LHFPL6: variants seen among roughly 807,000 people sequenced by gnomAD.
The protein encoded by LHFPL6 is LHFPL tetraspan subfamily member 6, also known as LHFPL tetraspan subfamily member 6 protein.
A neutral mutation model predicts 20.6 loss-of-function variants in LHFPL6; 9 were observed. That is an observed-to-expected ratio of 0.44 (90% CI 0.26 to 0.76). The LOEUF (loss-of-function observed/expected upper bound fraction) is 0.76, where lower values mean the gene tolerates loss of function less well. LHFPL6 is among the 30% of genes least tolerant of loss of function. LHFPL6 has a pLI of 0.20. For missense variants in LHFPL6, 218 were observed against 253.5 expected, an observed-to-expected ratio of 0.86 and a Z score of 0.95; for synonymous variants, 105 against 98.7, an observed-to-expected ratio of 1.06 and a Z score of -0.38.
intron 3 of LHFPL6, among the ~76,000 whole-genome samples, chr13:39,373,991 A>G (rs6563700): frequency 0.42 from 63,194 of 151,926 alleles, 13,283 homozygotes; most frequent in East Asian, 0.55. Context: ...CTTAATAAAG[A>G]ACTACCATTC....
At chr13:39,585,475 T>C (rs981948066) in intron 2 of LHFPL6, among the ~76,000 whole-genome samples, 7 of 152,226 alleles carry the variant, frequency 4.6e-5, no homozygotes, top group African/African-American at 1.7e-4. Flanking sequence ...GCTAGTTTAT[T>C]TGCTTTACTC....
At chr13:39,501,946 A>G (rs1366260976) in intron 2 of LHFPL6, among the ~76,000 whole-genome samples, 1 of 152,250 alleles carries the variant, frequency 6.6e-6, no homozygotes, top group East Asian at 1.9e-4. Context: ...ACCAGGCCAC[A>G]TGACTCTCGC....
intron 2 of LHFPL6, among the ~76,000 whole-genome samples, chr13:39,526,252 T>C (rs1870283513): frequency 6.6e-6 from 1 of 152,186 alleles, no homozygotes; most frequent in Non-Finnish European, 1.5e-5. Flanking sequence ...TAAATTCTAG[T>C]TGATCTGAAA....
At chr13:39,394,977 A>G (rs1870806980) in intron 2 of LHFPL6, among the ~76,000 whole-genome samples, 1 of 152,146 alleles carries the variant, frequency 6.6e-6, no homozygotes, top group Non-Finnish European at 1.5e-5. Flanking sequence ...ACCCAGCGCT[A>G]CCCTAAGCGT....
chr13:39,574,856 G>A (rs1244635606), intron 2 of LHFPL6, among the ~76,000 whole-genome samples: 1 of 152,112 alleles, frequency 6.6e-6, no homozygotes, highest in Admixed American at 6.5e-5. Flanking sequence ...TGGATTACCC[G>A]AGGTCAGGAG....
intron 2 of LHFPL6, among the ~76,000 whole-genome samples, chr13:39,401,482 G>A (rs1384200549): frequency 6.6e-6 from 1 of 152,162 alleles, no homozygotes; most frequent in African/African-American, 2.4e-5. Context: ...TGGAGAGGGA[G>A]GCATCCTCCA....
At chr13:39,502,894 CTTAT>C (rs976949258) in intron 2 of LHFPL6, among the ~76,000 whole-genome samples, 1 of 151,920 alleles carries the variant, frequency 6.6e-6, no homozygotes, top group Non-Finnish European at 1.5e-5. Flanking sequence ...ATTGTTGTAT[CTTAT>C]TTATTTATTT....
intron 2 of LHFPL6, among the ~76,000 whole-genome samples, chr13:39,588,004 G>A (rs967877743): frequency 1.3e-5 from 2 of 152,080 alleles, no homozygotes; most frequent in African/African-American, 4.8e-5. Flanking sequence ...CCCACTGGCT[G>A]GATATCCAGA....
intron 2 of LHFPL6, among the ~76,000 whole-genome samples, chr13:39,500,395 A>C (rs1027434232): frequency 1.3e-5 from 2 of 151,980 alleles, no homozygotes; most frequent in Non-Finnish European, 2.9e-5. Context: ...CTGGGACTAT[A>C]GGTGCATGCC....
intron 2 of LHFPL6, among the ~76,000 whole-genome samples, chr13:39,480,219 T>C (rs1468375078): frequency 6.6e-6 from 1 of 152,184 alleles, no homozygotes; most frequent in African/African-American, 2.4e-5. Flanking sequence ...AACCTAGACC[T>C]GGACTATGAG....
intron 3 of LHFPL6, among the ~76,000 whole-genome samples, chr13:39,372,126 G>A (rs1279579941): frequency 6.6e-6 from 1 of 150,606 alleles, no homozygotes; most frequent in Non-Finnish European, 1.5e-5. Context: ...GCTATAATAA[G>A]AGATCTCACA....
At chr13:39,391,577 A>G (rs923789367) in intron 2 of LHFPL6, among the ~76,000 whole-genome samples, 2 of 152,212 alleles carry the variant, frequency 1.3e-5, no homozygotes, top group Non-Finnish European at 2.9e-5. Flanking sequence ...AATAGAATAT[A>G]TAAGCCATTT....
At chr13:39,463,517 T>A (rs1872733324) in intron 2 of LHFPL6, among the ~76,000 whole-genome samples, 1 of 152,186 alleles carries the variant, frequency 6.6e-6, no homozygotes, top group Non-Finnish European at 1.5e-5. Flanking sequence ...TTCCTATTAA[T>A]GTATATCTTG....
intron 3 of LHFPL6, among the ~76,000 whole-genome samples, chr13:39,346,011 G>A (rs1282075245): frequency 1.3e-5 from 2 of 152,230 alleles, no homozygotes; most frequent in Non-Finnish European, 2.9e-5. Flanking sequence ...CCTGCTCACC[G>A]CGGAACACAG....
chr13:39,553,556 A>T (rs1346537319), intron 2 of LHFPL6, among the ~76,000 whole-genome samples: 5 of 152,136 alleles, frequency 3.3e-5, no homozygotes, highest in Admixed American at 6.5e-5. Context: ...TACAAAAAAA[A>T]ATATTTTTTT....
Position 39,343,885 on chromosome 13 carries a change from C to T in LHFPL6, c.*51G>A, listed in dbSNP as rs773301107. ...AAGGTAGGTGGATGTTTTGACCTCT[C>T]CAAGCCCCTTTGGCCCATCTTCTCC... On this transcript the variant is annotated 3_prime_UTR_variant, in exon 4 of 4. Coordinates refer to ENST00000379589, the MANE Select transcript of LHFPL6 (RefSeq NM_005780.3). The T allele has an allele frequency of 1.4e-6, 2 of 1,453,328 alleles. No individual in the cohort carries two copies. Among genetic ancestry groups the T allele is most frequent in the Admixed American group, 3.4e-5 (2 of 59,250 alleles). 90.0% of individuals were successfully genotyped at this position (1,453,328 alleles called of 1,614,324 possible). A position where few individuals can be genotyped will look rare whatever the true frequency, so the allele number is the denominator to read the frequency against.
intron 2 of LHFPL6, among the ~76,000 whole-genome samples, chr13:39,388,361 C>T (rs1334694959): frequency 6.6e-6 from 1 of 152,154 alleles, no homozygotes; most frequent in Non-Finnish European, 1.5e-5. Flanking sequence ...TAACTTCAGT[C>T]ATGAGTGACT....
chr13:39,463,191 C>A (rs1872727035), intron 2 of LHFPL6, among the ~76,000 whole-genome samples: 2 of 152,052 alleles, frequency 1.3e-5, no homozygotes, highest in African/African-American at 4.8e-5. Flanking sequence ...TGCTCATGGC[C>A]CTCCCTTCAT....
intron 2 of LHFPL6, among the ~76,000 whole-genome samples, chr13:39,525,762 T>C (rs1870265868): frequency 6.6e-6 from 1 of 152,230 alleles, no homozygotes; most frequent in Non-Finnish European, 1.5e-5. Context: ...TAGGAAATGT[T>C]CATAACTGTA....
Sources: allele counts gnomAD v4.1 joint callset (sites outside exome capture counted in the v4.1 genomes callset), GRCh38; gene constraint gnomAD v4.1.1; transcripts MANE v1.5; gene names NCBI Gene and HGNC (gene_info 2026-07-23, HGNC 2026-07-21).